Variants in HPSE2 observed in about 807,000 individuals in gnomAD.
HPSE2 encodes the protein inactive heparanase-2.
A neutral mutation model predicts 60.5 loss-of-function variants in HPSE2; 38 were observed. That is an observed-to-expected ratio of 0.63 (90% CI 0.48 to 0.82). HPSE2 has a LOEUF of 0.82. Ranked by LOEUF, HPSE2 falls within the 40% of genes least tolerant of loss-of-function variation. HPSE2 has a pLI of 0.00. For synonymous variants in HPSE2, 295 were observed against 293.2 expected (o/e 1.01, Z -0.06); for missense variants, 713 against 740.4 (o/e 0.96, Z 0.43).
At chr10:99,132,197 G>C (rs1246030936) in intron 3 of HPSE2, among the ~76,000 whole-genome samples, 17 of 16,154 alleles carry the variant, frequency 1.1e-3, no homozygotes, top group Middle Eastern at 0.025. Context: ...AAGAAAGAGA[G>C]AGAGAGAGAG....
chr10:99,080,251 T>A (rs187769713), intron 3 of HPSE2, among the ~76,000 whole-genome samples: 2 of 152,274 alleles, frequency 1.3e-5, no homozygotes, highest in Admixed American at 6.5e-5. Context: ...GGCCTAATAT[T>A]CCTTGTGGAC....
intron 2 of HPSE2, among the ~76,000 whole-genome samples, chr10:99,231,771 C>T (rs566029048): frequency 6.6e-6 from 1 of 152,174 alleles, no homozygotes; most frequent in Admixed American, 6.5e-5. Flanking sequence ...AAACCTTCCT[C>T]AACAAGGGAC....
At chr10:98,613,200 G>T (rs1449253982) in intron 9 of HPSE2, among the ~76,000 whole-genome samples, 1 of 152,142 alleles carries the variant, frequency 6.6e-6, no homozygotes, top group African/African-American at 2.4e-5. Context: ...AGTGCCTGAT[G>T]TTCAAAAAAT....
chr10:98,628,852 T>C (rs904374984), intron 7 of HPSE2, among the ~76,000 whole-genome samples: 4 of 151,456 alleles, frequency 2.6e-5, no homozygotes, highest in Non-Finnish European at 5.9e-5. Context: ...GAGGGGAGAC[T>C]AGAGAAAACA....
At chr10:98,598,693 G>A (rs905179698) in intron 9 of HPSE2, among the ~76,000 whole-genome samples, 1 of 152,152 alleles carries the variant, frequency 6.6e-6, no homozygotes, top group Non-Finnish European at 1.5e-5. Flanking sequence ...CTGGGTCCTA[G>A]GCCCACAGGG....
chr10:99,246,366 T>A, the HPSE2 span, among the ~76,000 whole-genome samples: 1 of 152,194 alleles, frequency 6.6e-6, no homozygotes, highest in African/African-American at 2.4e-5. Context: ...CCTGGAAGAA[T>A]GAACAGGCTA....
At chr10:99,248,484 T>C in the HPSE2 span, among the ~76,000 whole-genome samples, 1 of 152,196 alleles carries the variant, frequency 6.6e-6, no homozygotes, top group African/African-American at 2.4e-5. Flanking sequence ...CTGTTTCTAG[T>C]AGCCTATGCA....
chr10:99,097,106 C>A (rs1843744871), intron 3 of HPSE2, among the ~76,000 whole-genome samples: 1 of 152,150 alleles, frequency 6.6e-6, no homozygotes, highest in South Asian at 2.1e-4. Context: ...CCAGTATATA[C>A]CCAAGGACAA....
chr10:98,512,312 T>TG (rs958772135), intron 9 of HPSE2, among the ~76,000 whole-genome samples: 4 of 152,232 alleles, frequency 2.6e-5, no homozygotes, highest in South Asian at 2.1e-4. Context: ...CCGGGTGCAG[T>TG]GGCTCACGCC....
chr10:98,971,994 A>G (rs1955966708), intron 3 of HPSE2, among the ~76,000 whole-genome samples: 1 of 152,086 alleles, frequency 6.6e-6, no homozygotes, highest in South Asian at 2.1e-4. Context: ...TTTATCCCTT[A>G]ACAAATCATT....
chr10:98,938,460 A>C (rs1463301390), intron 3 of HPSE2, among the ~76,000 whole-genome samples: 1 of 144,148 alleles, frequency 6.9e-6, no homozygotes, highest in Non-Finnish European at 1.5e-5. Flanking sequence ...CTCAGGAGCC[A>C]ATGTGATCAA....
At chr10:99,180,142 TA>T (rs1847701236) in intron 2 of HPSE2, among the ~76,000 whole-genome samples, 1 of 152,118 alleles carries the variant, frequency 6.6e-6, no homozygotes, top group Admixed American at 6.5e-5. Context: ...ATGTAAGACC[TA>T]AAATCATAAA....
At chr10:98,814,301 T>C (rs2134584155) in intron 3 of HPSE2, among the ~76,000 whole-genome samples, 1 of 152,346 alleles carries the variant, frequency 6.6e-6, no homozygotes, top group Admixed American at 6.5e-5. Context: ...ATTGACTTTA[T>C]AGCCTATAAT....
rs186440252 is a variant in HPSE2 at position 98,876,828 on chromosome 10, T to C, written c.611-132772A>G. 4.6e-5 allele frequency among the ~76,000 whole-genome samples: 7 copies of C among 152,022 alleles called. No individual in the cohort carries two copies. The East Asian group carries it at 9.7e-4, about 21-fold the overall frequency. On this transcript the variant is annotated intron_variant, in intron 3 of 11. Coordinates refer to ENST00000370552, the MANE Select transcript of HPSE2 (RefSeq NM_021828.5). Reference sequence around the variant, plus strand: ...CTGAGATTATTAACAGTTGAAGAAATTGAAGACATACTACCTCTCTCTACT... The same window carrying C: ...CTGAGATTATTAACAGTTGAAGAAACTGAAGACATACTACCTCTCTCTACT...
At chr10:99,215,947 G>A (rs1295103795) in intron 2 of HPSE2, among the ~76,000 whole-genome samples, 3 of 152,198 alleles carry the variant, frequency 2.0e-5, no homozygotes, top group Non-Finnish European at 4.4e-5. Context: ...GATTAAATAA[G>A]ACAAATACTT....
chr10:98,531,574 T>C (rs1417784757), intron 9 of HPSE2, among the ~76,000 whole-genome samples: 1 of 152,196 alleles, frequency 6.6e-6, no homozygotes, highest in Non-Finnish European at 1.5e-5. Flanking sequence ...GATCATGGCT[T>C]ATAATTCCAA....
At chr10:98,922,171 T>C (rs1461370262) in intron 3 of HPSE2, among the ~76,000 whole-genome samples, 1 of 152,244 alleles carries the variant, frequency 6.6e-6, no homozygotes, top group East Asian at 1.9e-4. Flanking sequence ...TGATTTTTAA[T>C]ATTTTATACT....
intron 3 of HPSE2, among the ~76,000 whole-genome samples, chr10:98,794,598 A>G (rs957875387): frequency 6.6e-6 from 1 of 152,070 alleles, no homozygotes; most frequent in African/African-American, 2.4e-5. Flanking sequence ...CTTGTCTTTC[A>G]TGAACTTGAA....
intron 3 of HPSE2, among the ~76,000 whole-genome samples, chr10:98,859,167 C>T (rs1293219192): frequency 2.0e-5 from 3 of 152,328 alleles, no homozygotes; most frequent in South Asian, 4.1e-4. Context: ...TATTGAAATG[C>T]CGCCATGCTT....
Sources: allele counts gnomAD v4.1 joint callset (sites outside exome capture counted in the v4.1 genomes callset), GRCh38; gene constraint gnomAD v4.1.1; transcripts MANE v1.5; gene names NCBI Gene and HGNC (gene_info 2026-07-23, HGNC 2026-07-21).